CEP164: variants seen among roughly 807,000 people sequenced by gnomAD.
CEP164 encodes the protein centrosomal protein 164.
A neutral mutation model predicts 182.7 loss-of-function variants in CEP164; 162 were observed. That is an observed-to-expected ratio of 0.89 (90% confidence interval 0.78 to 1.01). CEP164 has a LOEUF of 1.01. Among genes scored for constraint, CEP164 ranks in the 50% least tolerant of loss-of-function variants. CEP164 has a pLI of 0.00. For synonymous variants in CEP164, 661 were observed against 690.0 expected (o/e 0.96, Z 0.66); for missense variants, 1,735 against 1,790.4 (o/e 0.97, Z 0.56).
intron 3 of CEP164, among the ~76,000 whole-genome samples, chr11:117,339,187 G>C (rs956470421): frequency 2.0e-5 from 3 of 152,188 alleles, no homozygotes; most frequent in African/African-American, 7.2e-5. Context: ...GTGTGTGGCT[G>C]CTTCTATGCT....
chr11:117,339,214 G>A (rs2037690338), intron 3 of CEP164, among the ~76,000 whole-genome samples: 1 of 152,208 alleles, frequency 6.6e-6, no homozygotes, highest in African/African-American at 2.4e-5. Flanking sequence ...GCAGAGATAT[G>A]TGGCTGTTAA....
chr11:117,356,200 C>T (rs1403295651), intron 5 of CEP164: 12 of 1,071,916 alleles, frequency 1.1e-5, no homozygotes, highest in South Asian at 1.0e-4. Context: ...AGAGCCCTGA[C>T]GAGGAGCAGT....
upstream of CEP164, among the ~76,000 whole-genome samples, chr11:117,324,298 A>G (rs555071): frequency 1 from 152,190 of 152,248 alleles, 76,067 homozygotes; most frequent in Middle Eastern, 1. Context: ...ACTACAAAAC[A>G]TAGCCCGGTG....
At chr11:117,386,087 C>G (rs1054083712) in intron 14 of CEP164, 6 of 152,234 alleles carry the variant, frequency 3.9e-5, no homozygotes, top group African/African-American at 1.4e-4. Flanking sequence ...GACTCTTGCC[C>G]AGCCCTCTTT....
chr11:117,387,435 T>A (rs1479198658), intron 15 of CEP164, 23 bp downstream of exon 15: 16 of 1,610,930 alleles, frequency 9.9e-6, no homozygotes, highest in Non-Finnish European at 1.4e-5. Context: ...CCCTTAGGCA[T>A]GCTTCCTGGG....
chr11:117,373,880 G>A, intron 10 of CEP164, 49 bp downstream of exon 10: 5 of 1,529,070 alleles, frequency 3.3e-6, no homozygotes, highest in South Asian at 2.2e-5. Flanking sequence ...GCATAGATTT[G>A]TGAGCCTCCA....
At chr11:117,384,566 C>T (rs188637578) in intron 14 of CEP164, 1 of 152,358 alleles carries the variant, frequency 6.6e-6, no homozygotes, top group Non-Finnish European at 1.5e-5. Flanking sequence ...CTTGGCTTCC[C>T]CAGCTCCTCC....
At chr11:117,343,155 G>A (rs996967594) in intron 3 of CEP164, among the ~76,000 whole-genome samples, 3 of 152,196 alleles carry the variant, frequency 2.0e-5, no homozygotes, top group African/African-American at 7.2e-5. Flanking sequence ...ACAGGCATGT[G>A]CCACTGCACC....
Position 117,371,214 on chromosome 11 carries a change from G to A in CEP164, c.900G>A (p.Gly300=), listed in dbSNP as rs754494197. ...DSSLSSAVGK[G]RQGSGARPGL... is the part of the protein sequence containing the mutation. ...GTCTGAGCAGTGCTGTTGGCAAAGG[G>A]CGACAGGGAAGTGGAGCAAGACCTG... Residue 300 remains glycine (G), a synonymous_variant, in exon 9 of 33, where the codon GGG becomes GGA. Transcript: ENST00000278935. 1 of 1,614,240 alleles carries A rather than the reference G, an allele frequency of 6.2e-7. No homozygotes were observed. Among genetic ancestry groups the A allele is most frequent in the Non-Finnish European group, 8.5e-7 (1 of 1,180,048 alleles).
At position 117,410,837 on chromosome 11, in the gene CEP164, C is replaced by T. The variant is rs148116542; in HGVS notation, c.4106C>T (p.Pro1369Leu). ...CCCCATGCTCTTCCAGCTGGCATCC[C>T]GCTGCTCAGCAACAGCCCCACCCCG... ...KWRKYFPSGI[P>L]LLSNSPTPLE... The change falls in exon 31 of 33, where the codon CCG becomes CTG. Residue 1369 changes from proline (P) to leucine (L), a missense_variant. Coordinates refer to ENST00000278935, the MANE Select transcript of CEP164 (RefSeq NM_014956.5). 2.5e-5 allele frequency: 41 copies of T among 1,612,674 alleles called. No homozygotes were observed. The highest frequency in any genetic ancestry group is 1.3e-4 in the African/African-American group (10 of 74,886).
At chr11:117,355,999 G>GAGCAGCAGC (rs6144525) in intron 5 of CEP164, 240,889 of 1,122,426 alleles carry the variant, frequency 0.21, 26,704 homozygotes, top group South Asian at 0.38. Context: ...CTGACTTGGA[G>GAGCAGCAGC]AGCAGCAGCA....
Position 117,393,024 on chromosome 11 carries a change from G to A in CEP164, c.2514G>A (p.Glu838=), listed in dbSNP as rs1395693893. The A allele has an allele frequency of 2.5e-6, 4 of 1,613,438 alleles. No homozygotes were observed. The highest frequency in any genetic ancestry group is 2.2e-5 in the East Asian group (1 of 44,886). The part of the protein sequence containing the change: ...YEHELSSLLR[E]KRQEVEGEHE... ...TGCAGCTCAGCAGTCTCCTGCGAGA[G>A]AAGCGCCAGGAAGTGGAAGGGGAGC... Residue 838 remains glutamate, a synonymous_variant, in exon 20 of 33, where the codon GAG becomes GAA. Transcript: ENST00000278935.
chr11:117,340,857 G>A (rs148030532), intron 3 of CEP164, among the ~76,000 whole-genome samples: 10 of 152,150 alleles, frequency 6.6e-5, no homozygotes, highest in East Asian at 1.9e-4. Flanking sequence ...CTTTAGAGAC[G>A]GAGTCTCACT....
intron 25 of CEP164, among the ~76,000 whole-genome samples, 181 bp downstream of exon 25, chr11:117,396,361 G>C (rs1314973353): frequency 2.0e-5 from 3 of 152,142 alleles, no homozygotes; most frequent in African/African-American, 7.2e-5. Context: ...TTCTCTATGG[G>C]ACCTGGTCTG....
At chr11:117,393,327 G>T (rs1386761147) in intron 20 of CEP164, among the ~76,000 whole-genome samples, 1 of 152,172 alleles carries the variant, frequency 6.6e-6, no homozygotes, top group East Asian at 1.9e-4. Context: ...CTGCCACGAT[G>T]ATGTTTTTTG....
Position 117,336,110 on chromosome 11 carries a change from A to G in CEP164, c.-22+430A>G, listed in dbSNP as rs1282632820. 3 of 1,507,528 alleles carry G rather than the reference A, an allele frequency of 2.0e-6. No individual in the cohort carries two copies. In the East Asian group the frequency reaches 7.6e-5, roughly 38 times the overall value. 93.4% of individuals were successfully genotyped at this position (1,507,528 alleles called of 1,614,324 possible). On this transcript the variant is annotated intron_variant, in intron 2 of 32. Coordinates refer to ENST00000278935, the MANE Select transcript of CEP164 (RefSeq NM_014956.5). ...TTGGGGGTGGGGTGGGGGGAGCACA[A>G]GGGCTACTTTCCCCCAGTACAACAT...
intron 10 of CEP164, 64 bp downstream of exon 10, chr11:117,373,895 T>C (rs1461364266): frequency 3.2e-5 from 46 of 1,425,046 alleles, no homozygotes; most frequent in Non-Finnish European, 4.6e-5. Context: ...CCTCCAGGGT[T>C]AAGTAATTTG....
Position 117,397,189 on chromosome 11 carries a change from G to A in CEP164, c.3377G>A (p.Arg1126Lys), listed in dbSNP as rs753175325. 6.2e-7 allele frequency: 1 copy of A among 1,614,150 alleles called. No individual in the cohort carries two copies. Among genetic ancestry groups the A allele is most frequent in the Non-Finnish European group, 8.5e-7 (1 of 1,179,946 alleles). The change falls in exon 27 of 33, where the codon AGG becomes AAG. Residue 1126 changes from arginine (R) to lysine (K), a missense_variant. Coordinates refer to ENST00000278935, the MANE Select transcript of CEP164 (RefSeq NM_014956.5). ...FLVQQTRSMR[R>K]RQTALKAAQQ... Reference sequence around the variant, plus strand: ...GTGCAGCAGACACGCTCCATGCGGAGGCGGCAGACAGCTCTGAAAGCTGCC... The same window carrying A: ...GTGCAGCAGACACGCTCCATGCGGAAGCGGCAGACAGCTCTGAAAGCTGCC...
chr11:117,334,828 T>C (rs1197989867), intron 1 of CEP164, among the ~76,000 whole-genome samples: 1 of 151,552 alleles, frequency 6.6e-6, no homozygotes, highest in Non-Finnish European at 1.5e-5. Flanking sequence ...ATTATGTATA[T>C]AGCAAATTAG....
Sources: allele counts gnomAD v4.1 joint callset (sites outside exome capture counted in the v4.1 genomes callset), GRCh38; gene constraint gnomAD v4.1.1; transcripts MANE v1.5; gene names NCBI Gene and HGNC (gene_info 2026-07-23, HGNC 2026-07-21).